Variants in SPECC1 observed in about 807,000 individuals in gnomAD.
The protein encoded by SPECC1 is cytospin-B.
Under a neutral mutation model 104.1 loss-of-function variants are expected in SPECC1, and 62 were observed. The ratio of observed to expected loss-of-function variants is 0.60; its 90% CI spans 0.49 to 0.74. SPECC1 has a LOEUF of 0.74. Among genes scored for constraint, SPECC1 ranks in the 30% least tolerant of loss-of-function variants. SPECC1 has a pLI of 0.00. For synonymous variants in SPECC1, 513 were observed against 501.6 expected, an observed-to-expected ratio of 1.02 and a Z score of -0.30; for missense variants, 1,306 against 1,310.5, an observed-to-expected ratio of 1.00 and a Z score of 0.05.
chr17:20,059,911 T>C (rs958494543), intron 1 of SPECC1, among the ~76,000 whole-genome samples: 2 of 152,298 alleles, frequency 1.3e-5, no homozygotes, highest in Middle Eastern at 6.8e-3. Flanking sequence ...TGCTGATTCA[T>C]ACCTTGCAAA....
chr17:20,227,105 G>A (rs887240895), intron 4 of SPECC1, among the ~76,000 whole-genome samples: 2 of 152,110 alleles, frequency 1.3e-5, no homozygotes, highest in Admixed American at 1.3e-4. Flanking sequence ...CTTGTAGGAG[G>A]GGGCACAGAA....
chr17:20,239,626 A>T (rs759863715), intron 7 of SPECC1, among the ~76,000 whole-genome samples: 37 of 152,192 alleles, frequency 2.4e-4, no homozygotes, highest in Non-Finnish European at 4.7e-4. Context: ...CCTTATTCAT[A>T]TAGTCCTATG....
intron 1 of SPECC1, among the ~76,000 whole-genome samples, chr17:20,091,986 C>T (rs554194659): frequency 2.0e-5 from 3 of 152,276 alleles, no homozygotes; most frequent in East Asian, 1.9e-4. Context: ...GAGCAGGAGA[C>T]GTGTGGACTC....
chr17:20,248,606 A>G (rs961907832), intron 9 of SPECC1, among the ~76,000 whole-genome samples: 4 of 152,174 alleles, frequency 2.6e-5, no homozygotes, highest in Admixed American at 2.6e-4. Context: ...ATCTTGTTTT[A>G]CTTTATCAGT....
chr17:20,048,180 C>G (rs1370782299), intron 1 of SPECC1, among the ~76,000 whole-genome samples: 1 of 149,952 alleles, frequency 6.7e-6, no homozygotes, highest in East Asian at 2.0e-4. Flanking sequence ...GTCACCCAGG[C>G]TGGAGTGCAG....
At chr17:20,112,521 A>G in intron 3 of SPECC1, 1 of 773,036 alleles carries the variant, frequency 1.3e-6, no homozygotes, top group Non-Finnish European at 2.4e-6. Context: ...TCTCATTTGG[A>G]CCTTTGAAAC....
At chr17:20,096,963 A>C (rs564434056) in intron 2 of SPECC1, among the ~76,000 whole-genome samples, 165 bp downstream of exon 2, 7 of 152,282 alleles carry the variant, frequency 4.6e-5, no homozygotes, top group Non-Finnish European at 7.4e-5. Context: ...GAATAGAGCT[A>C]GCGGGTGGGA....
At chr17:20,140,807 A>C (rs947274051) in intron 3 of SPECC1, among the ~76,000 whole-genome samples, 4 of 152,240 alleles carry the variant, frequency 2.6e-5, no homozygotes, top group African/African-American at 9.6e-5. Context: ...GTATTACCAG[A>C]GTAATCTTCC....
chr17:20,123,097 G>A (rs993007451), intron 3 of SPECC1, among the ~76,000 whole-genome samples: 2 of 152,160 alleles, frequency 1.3e-5, no homozygotes, highest in Admixed American at 6.5e-5. Flanking sequence ...GAAATCTGAT[G>A]GGCCTTCCCA....
chr17:20,082,455 C>T (rs550934272), intron 1 of SPECC1, among the ~76,000 whole-genome samples: 4 of 152,112 alleles, frequency 2.6e-5, no homozygotes, highest in African/African-American at 7.2e-5. Flanking sequence ...AAAAATTAGC[C>T]AGGCGTGGTG....
intron 12 of SPECC1, among the ~76,000 whole-genome samples, chr17:20,268,813 G>A (rs992611564): frequency 2.6e-4 from 40 of 152,266 alleles, no homozygotes; most frequent in African/African-American, 9.4e-4. Flanking sequence ...CCTGGTGGCC[G>A]TGTTTCTGGT....
intron 7 of SPECC1, chr17:20,237,116 T>G: frequency 7.2e-7 from 1 of 1,392,722 alleles, no homozygotes; most frequent in South Asian, 1.6e-5. Context: ...CTCTTTTTAC[T>G]TTTCCTCAGA....
At chr17:20,067,869 G>C (rs369813203) in intron 1 of SPECC1, among the ~76,000 whole-genome samples, 9 of 151,860 alleles carry the variant, frequency 5.9e-5, no homozygotes, top group African/African-American at 2.2e-4. Flanking sequence ...CCCTTCCATC[G>C]CTCCTTCCCT....
intron 3 of SPECC1, among the ~76,000 whole-genome samples, chr17:20,131,534 T>C (rs2049627455): frequency 6.6e-6 from 1 of 152,082 alleles, no homozygotes; most frequent in Non-Finnish European, 1.5e-5. Context: ...CCTTTTCATG[T>C]CTTATCACAC....
At position 20,107,144 on chromosome 17, in the gene SPECC1, C is replaced by CAAAAA. The variant is rs531912350; in HGVS notation, c.148-3262_148-3258dup. 9.0e-3 allele frequency among the ~76,000 whole-genome samples: 604 copies of CAAAAA among 67,058 alleles called. 1 individual carries two copies. The highest frequency in any genetic ancestry group is 0.033 in the East Asian group (33 of 1,008). 44.0% of individuals were successfully genotyped at this position (67,058 alleles called of 152,430 possible). ...GGGCGACAGAGTGAGACTCGTGTCT[C>CAAAAA]AAAAAAAAAAAAAAAAAAAAAAAAA... On this transcript the variant is annotated intron_variant, in intron 2 of 14. Coordinates refer to ENST00000395527, the MANE Select transcript of SPECC1 (RefSeq NM_001243439.2).
In SPECC1 at chr17:20,150,230, G is replaced by A. The variant is rs190717996; in HGVS notation, c.283+39668G>A. ...GATCTCCTGACCTGGTGATCTGCCC[G>A]CCTCAGCCTCCTAAAGTGCTGGGAT... is the stretch of plus-strand genomic sequence containing the variant. On this transcript the variant is annotated intron_variant, in intron 3 of 14. Coordinates refer to ENST00000395527, the MANE Select transcript of SPECC1 (RefSeq NM_001243439.2). 2.6e-3 allele frequency among the ~76,000 whole-genome samples: 389 copies of A among 151,716 alleles called. 3 individuals carry two copies. Among genetic ancestry groups the A allele is most frequent in the African/African-American group, 8.7e-3 (358 of 41,384 alleles).
chr17:20,260,424 GC>G (rs2039985562), intron 12 of SPECC1, 130 bp downstream of exon 12: 2 of 735,348 alleles, frequency 2.7e-6, no homozygotes, highest in South Asian at 4.6e-5. Flanking sequence ...ATTCTCCTAG[GC>G]AGGGCTGCCA....
intron 3 of SPECC1, among the ~76,000 whole-genome samples, chr17:20,174,400 C>T (rs2151194651): frequency 6.6e-6 from 1 of 152,222 alleles, no homozygotes; most frequent in East Asian, 1.9e-4. Context: ...CCCAGGGAAG[C>T]AGGACTCAAG....
chr17:20,205,955 T>A, intron 4 of SPECC1, 43 bp downstream of exon 4: 3 of 1,561,702 alleles, frequency 1.9e-6, no homozygotes, highest in Non-Finnish European at 2.6e-6. Context: ...TCATCCTTGT[T>A]CACATTTCTG....
Sources: gnomAD v4.1 joint callset for allele counts (sites outside exome capture counted in the v4.1 genomes callset) on GRCh38, gnomAD v4.1.1 for gene constraint, MANE v1.5 for transcripts, NCBI Gene and HGNC (gene_info 2026-07-23, HGNC 2026-07-21) for gene names.